Variants in RSPRY1 observed in about 807,000 individuals in gnomAD.
RSPRY1 encodes the protein ring finger and SPRY domain containing 1.
Under a neutral mutation model 73.1 loss-of-function variants are expected in RSPRY1, and 23 were observed. The ratio of observed to expected loss-of-function variants is 0.31; its 90% CI spans 0.23 to 0.45. The LOEUF (loss-of-function observed/expected upper bound fraction) is 0.45. Among genes scored for constraint, RSPRY1 ranks in the 20% least tolerant of loss-of-function variants. The probability of loss-of-function intolerance (pLI) is 1.00; values close to 1 mark genes in which losing one functional copy is unlikely to be tolerated. For missense variants in RSPRY1, 448 were observed against 698.7 expected, an observed-to-expected ratio of 0.64 and a Z score of 4.05; for synonymous variants, 226 against 251.4, an observed-to-expected ratio of 0.90 and a Z score of 0.95.
At chr16:57,201,382 C>T (rs1382995381) in intron 1 of RSPRY1, among the ~76,000 whole-genome samples, 1 of 151,168 alleles carries the variant, frequency 6.6e-6, no homozygotes, top group Admixed American at 6.6e-5. Context: ...AGAGGCACTC[C>T]CCACATCTCA....
intron 3 of RSPRY1, among the ~76,000 whole-genome samples, chr16:57,208,461 G>A (rs535891727): frequency 1.4e-5 from 2 of 140,098 alleles, no homozygotes; most frequent in Admixed American, 7.6e-5. Context: ...GCAGTGGCAC[G>A]ATCACAGCTC....
At position 57,216,979 on chromosome 16, in the gene RSPRY1, C is replaced by T. The variant is rs1230848330; in HGVS notation, c.845C>T (p.Pro282Leu). ...LVTLESWAND[P>L]DYLKRQVGFC... Reference sequence around the variant, plus strand: ...ACATTGGAGTCCTGGGCTAATGATCCTGATTATCTGAAACGTCAAGTTGGT... The same window carrying T: ...ACATTGGAGTCCTGGGCTAATGATCTTGATTATCTGAAACGTCAAGTTGGT... Residue 282 changes from proline (P) to leucine (L), a missense_variant, in exon 8 of 15, where the codon CCT (proline) becomes CTT (leucine). Coordinates refer to ENST00000394420, the MANE Select transcript of RSPRY1 (RefSeq NM_133368.3). 3 of 1,614,000 alleles carry T rather than the reference C, an allele frequency of 1.9e-6. No individual in the cohort carries two copies. The Admixed American group carries it at 5.0e-5, about 27-fold the overall frequency.
At chr16:57,192,415 TCTTC>T (rs2074366117) in intron 1 of RSPRY1, among the ~76,000 whole-genome samples, 1 of 152,204 alleles carries the variant, frequency 6.6e-6, no homozygotes, top group Non-Finnish European at 1.5e-5. Flanking sequence ...TTACCTCAAT[TCTTC>T]CTTAGTATTT....
At chr16:57,202,558 T>C (rs1392521968) in intron 1 of RSPRY1, among the ~76,000 whole-genome samples, 1 of 152,246 alleles carries the variant, frequency 6.6e-6, no homozygotes, top group Non-Finnish European at 1.5e-5. Context: ...ATGTTGTTAC[T>C]TCGACTCTGC....
At chr16:57,228,462 G>A (rs577841951) in intron 11 of RSPRY1, among the ~76,000 whole-genome samples, 14 of 151,752 alleles carry the variant, frequency 9.2e-5, no homozygotes, top group Middle Eastern at 3.4e-3. Context: ...TAAAGGCCCT[G>A]TTTTCAAAAA....
chr16:57,231,235 C>A lies in RSPRY1; in HGVS notation c.1445C>A (p.Pro482Gln), dbSNP rs755899418. The A allele has an allele frequency of 3.1e-6, 5 of 1,613,750 alleles. No individual in the cohort carries two copies. The highest frequency in any genetic ancestry group is 4.2e-6 in the Non-Finnish European group (5 of 1,179,812). Reference protein sequence around the residue: ...QQCEFNFGAKPFKYPPSMKFS... With the variant: ...QQCEFNFGAKQFKYPPSMKFS... ...TGTGAGTTCAATTTTGGAGCAAAAC[C>A]ATTCAAATACCCACCATCTATGAAA... Residue 482 changes from proline (P) to glutamine (Q), a missense_variant, in exon 13 of 15, where the codon CCA (proline) becomes CAA (glutamine). Physicochemically the swap from Pro to Gln is moderately conservative, Grantham distance 76 (BLOSUM62 -1). Coordinates refer to ENST00000394420, the MANE Select transcript of RSPRY1 (RefSeq NM_133368.3).
At chr16:57,209,687 AT>A (rs2074797787) in intron 4 of RSPRY1, among the ~76,000 whole-genome samples, 1 of 151,244 alleles carries the variant, frequency 6.6e-6, no homozygotes, top group African/African-American at 2.4e-5. Context: ...TTATTTATTT[AT>A]TTTGAAACAG....
rs544146883 is a variant in RSPRY1, at chr16:57,189,593, C to CTTTT, written c.-156+3155_-156+3158dup. Among the ~76,000 whole-genome samples the CTTTT allele has an allele frequency of 2.7e-4, 33 of 124,054 alleles. 1 individual carries two copies. Among genetic ancestry groups the CTTTT allele is most frequent in the African/African-American group, 8.2e-4 (27 of 32,986 alleles). The allele number at this position is 124,054 out of a possible 152,430, so 81.4% of individuals were successfully genotyped here. On this transcript the variant is annotated intron_variant, in intron 1 of 14. Transcript: ENST00000394420. ...CTGTTTTTTCTTTTTCTTTTCTTTT[C>CTTTT]TTTTTTTTTTTTTTTTGAGACAGGG... is the stretch of plus-strand genomic sequence containing the variant.
At chr16:57,189,596 T>TTC (rs2074317898) in intron 1 of RSPRY1, among the ~76,000 whole-genome samples, 1 of 146,252 alleles carries the variant, frequency 6.8e-6, no homozygotes, top group South Asian at 2.2e-4. Flanking sequence ...TTCTTTTCTT[T>TTC]TTTTTTTTTT....
At chr16:57,208,565 A>T (rs2074775339) in intron 3 of RSPRY1, among the ~76,000 whole-genome samples, 2 of 150,856 alleles carry the variant, frequency 1.3e-5, no homozygotes, top group South Asian at 4.2e-4. Context: ...ATACCCAGCA[A>T]TTTTTCTGTT....
chr16:57,218,223 C>T (rs1334716936), intron 8 of RSPRY1, among the ~76,000 whole-genome samples: 1 of 152,164 alleles, frequency 6.6e-6, no homozygotes, highest in Non-Finnish European at 1.5e-5. Context: ...TATTTTGATA[C>T]AGTCATACAA....
chr16:57,236,145 C>T lies in RSPRY1; in HGVS notation c.1634+917C>T, dbSNP rs563164906. The stretch of plus-strand genomic sequence containing the variant: ...TATTTGGAGGGTTTAGTTATCAGGG[C>T]CTCACAGACAGATGCAGAGTTTAAA... On this transcript the variant is annotated intron_variant, in intron 14 of 14. Coordinates refer to ENST00000394420, the MANE Select transcript of RSPRY1 (RefSeq NM_133368.3). 2.0e-5 allele frequency among the ~76,000 whole-genome samples: 3 copies of T among 152,288 alleles called. No homozygotes were observed. In the South Asian group the frequency reaches 6.2e-4, roughly 32 times the overall value.
intron 4 of RSPRY1, among the ~76,000 whole-genome samples, chr16:57,212,762 G>A (rs752742026): frequency 3.3e-5 from 5 of 151,988 alleles, no homozygotes; most frequent in South Asian, 2.1e-4. Flanking sequence ...TTACAGGCGC[G>A]CACCACCACA....
intron 6 of RSPRY1, 87 bp from the exon 7 acceptor site, chr16:57,216,020 A>G (rs2074932421): frequency 9.9e-7 from 1 of 1,009,060 alleles, no homozygotes; most frequent in Admixed American, 2.0e-5. Context: ...TCTAGCACAT[A>G]TTGGGCAAGG....
intron 1 of RSPRY1, among the ~76,000 whole-genome samples, chr16:57,189,504 T>C (rs1327818138): frequency 7.2e-6 from 1 of 138,016 alleles, no homozygotes; most frequent in African/African-American, 2.6e-5. Flanking sequence ...GCCTGGAGGC[T>C]AAAAAAAAAA....
Position 57,204,828 on chromosome 16 carries a change from A to T in RSPRY1, c.170A>T (p.Asp57Val). ...GACAGTGGAACAGATGACAGTGTTG[A>T]CACCCAACAGCAACAGGCCGAGAAC... ...RDDSGTDDSV[D>V]TQQQQAENSA... Residue 57 changes from aspartate (D) to valine (V), a missense_variant, in exon 2 of 15, where the codon GAC becomes GTC. Physicochemically the swap from Asp to Val is radical, Grantham distance 152. Coordinates refer to ENST00000394420, the MANE Select transcript of RSPRY1 (RefSeq NM_133368.3). The T allele has an allele frequency of 6.2e-7, 1 of 1,614,194 alleles. No homozygotes were observed. The highest frequency in any genetic ancestry group is 8.5e-7 in the Non-Finnish European group (1 of 1,180,032).
intron 1 of RSPRY1, among the ~76,000 whole-genome samples, chr16:57,188,664 G>A (rs1381328704): frequency 1.3e-5 from 2 of 151,984 alleles, no homozygotes; most frequent in African/African-American, 4.8e-5. Context: ...TTACAGGCAT[G>A]TACCACCACG....
At chr16:57,208,025 C>G (rs752831843) in intron 2 of RSPRY1, 33 bp from the exon 3 acceptor site, 1 of 1,366,446 alleles carries the variant, frequency 7.3e-7, no homozygotes, top group Non-Finnish European at 1.0e-6. Flanking sequence ...TTATTATTTC[C>G]TCAGGTTTAA....
rs1199837122 is a variant in RSPRY1, at chr16:57,204,816, A to G, written c.158A>G (p.Asp53Gly). Residue 53 changes from aspartate to glycine, a missense_variant, in exon 2 of 15, where the codon GAT becomes GGT. Transcript: ENST00000394420. ...ATCTGCCGAGATGACAGTGGAACAG[A>G]TGACAGTGTTGACACCCAACAGCAA... Reference protein sequence around the residue: ...SCICRDDSGTDDSVDTQQQQA... With the variant: ...SCICRDDSGTGDSVDTQQQQA... 10 of 1,614,166 alleles carry G rather than the reference A, an allele frequency of 6.2e-6. No individual in the cohort carries two copies. Among genetic ancestry groups the G allele is most frequent in the Non-Finnish European group, 8.5e-6 (10 of 1,180,036 alleles).
Sources: allele counts gnomAD v4.1 joint callset (sites outside exome capture counted in the v4.1 genomes callset), GRCh38; gene constraint gnomAD v4.1.1; transcripts MANE v1.5; gene names NCBI Gene and HGNC (gene_info 2026-07-23, HGNC 2026-07-21).